Variants in EIF2AK3 observed in about 807,000 individuals in gnomAD.
EIF2AK3 encodes the protein eukaryotic translation initiation factor 2 alpha kinase 3, also known as eukaryotic translation initiation factor 2-alpha kinase 3.
Under a neutral mutation model 113.5 loss-of-function variants are expected in EIF2AK3, and 50 were observed. The ratio of observed to expected loss-of-function variants is 0.44; its 90% CI spans 0.35 to 0.56. EIF2AK3 has a LOEUF of 0.56. Among genes scored for constraint, EIF2AK3 ranks in the 20% least tolerant of loss-of-function variants. The pLI is 0.00. For synonymous variants in EIF2AK3, 448 were observed against 495.4 expected (o/e 0.90, Z 1.27); for missense variants, 1,185 against 1,378.0 (o/e 0.86, Z 2.22).
At chr2:88,613,972 G>GTAGAA in intron 1 of EIF2AK3, 119 bp from the exon 2 acceptor site, 4 of 894,702 alleles carry the variant, frequency 4.5e-6, no homozygotes, top group Non-Finnish European at 6.9e-6. Flanking sequence ...AAGGAAGAGG[G>GTAGAA]GGCCTTCTAC....
intron 1 of EIF2AK3, among the ~76,000 whole-genome samples, chr2:88,617,161 A>C (rs1021536564): frequency 3.3e-5 from 5 of 152,264 alleles, no homozygotes; most frequent in Non-Finnish European, 7.3e-5. Flanking sequence ...CCTCAGGCTG[A>C]ATGCAGGGAT....
intron 9 of EIF2AK3, among the ~76,000 whole-genome samples, chr2:88,583,843 A>T (rs1674653753): frequency 6.6e-6 from 1 of 152,170 alleles, no homozygotes; most frequent in Non-Finnish European, 1.5e-5. Context: ...CATAAACACA[A>T]ACTCCTGGGC....
At chr2:88,620,661 A>C (rs1474959693) in intron 1 of EIF2AK3, among the ~76,000 whole-genome samples, 1 of 152,002 alleles carries the variant, frequency 6.6e-6, no homozygotes, top group Non-Finnish European at 1.5e-5. Flanking sequence ...CACTGTACAA[A>C]CTCCCTGCTC....
intron 11 of EIF2AK3, among the ~76,000 whole-genome samples, chr2:88,579,018 A>G (rs937294718): frequency 6.6e-6 from 1 of 152,218 alleles, no homozygotes; most frequent in Non-Finnish European, 1.5e-5. Flanking sequence ...CATATTCTTA[A>G]TAACATGAAA....
At chr2:88,600,259 A>AT (rs1465076510) in intron 2 of EIF2AK3, among the ~76,000 whole-genome samples, 2 of 152,148 alleles carry the variant, frequency 1.3e-5, no homozygotes, top group Non-Finnish European at 2.9e-5. Context: ...CACAGAAGCA[A>AT]TATATGCATG....
At position 88,585,936 on chromosome 2, in the gene EIF2AK3, AAAG is replaced by A. The variant is rs1558652960; in HGVS notation, c.1552_1554del (p.Leu519del). 6.2e-7 allele frequency: 1 copy of A among 1,614,146 alleles called. No individual in the cohort carries two copies. Among genetic ancestry groups the A allele is most frequent in the Non-Finnish European group, 8.5e-7 (1 of 1,180,004 alleles). Reference sequence around the variant, plus strand: ...GCAACTATTTCTTTCCACCAGTGTAAAAGAAGAACAGGATCCTTTTTGCGGATA... The same window carrying A: ...GCAACTATTTCTTTCCACCAGTGTAAAAGAACAGGATCCTTTTTGCGGATA... On this transcript the variant is annotated inframe_deletion, in exon 9 of 17. Coordinates refer to ENST00000303236, the MANE Select transcript of EIF2AK3 (RefSeq NM_004836.7).
At chr2:88,566,630 T>G (rs1674137162) in intron 14 of EIF2AK3, among the ~76,000 whole-genome samples, 1 of 152,158 alleles carries the variant, frequency 6.6e-6, no homozygotes, top group Admixed American at 6.5e-5. Flanking sequence ...TCTATTGACC[T>G]GATAGTTATT....
chr2:88,563,775 ATATTT>A (rs1221743725), intron 14 of EIF2AK3, among the ~76,000 whole-genome samples: 1 of 152,218 alleles, frequency 6.6e-6, no homozygotes, highest in Non-Finnish European at 1.5e-5. Flanking sequence ...GGAAATACTT[ATATTT>A]TAATATTGTA....
chr2:88,581,964 A>G (rs922930800), intron 10 of EIF2AK3, among the ~76,000 whole-genome samples: 3 of 152,138 alleles, frequency 2.0e-5, no homozygotes, highest in Non-Finnish European at 2.9e-5. Context: ...TGTCTAATAT[A>G]TTATAGCATG....
At position 88,590,817 on chromosome 2, in the gene EIF2AK3, C is replaced by A. The variant is rs1192258846; in HGVS notation, c.1002+1G>T. On this transcript the variant is annotated splice_donor_variant, in intron 5 of 16. Transcript: ENST00000303236. LOFTEE classifies it high-confidence loss of function. ...TTTAAATCCTCAGTGGTGTTAGGTA[C>A]CTGGTACTCCCATTCCAGATGTCCT... The A allele has an allele frequency of 6.2e-7, 1 of 1,613,828 alleles. No individual in the cohort carries two copies. Among genetic ancestry groups the A allele is most frequent in the East Asian group, 2.2e-5 (1 of 44,858 alleles).
At chr2:88,565,042 T>C (rs1217698979) in intron 14 of EIF2AK3, among the ~76,000 whole-genome samples, 1 of 151,732 alleles carries the variant, frequency 6.6e-6, no homozygotes, top group African/African-American at 2.4e-5. Context: ...AAAGGTGTTT[T>C]TTTTTTTTTT....
At chr2:88,606,513 A>T (rs2104459260) in intron 2 of EIF2AK3, among the ~76,000 whole-genome samples, 1 of 152,360 alleles carries the variant, frequency 6.6e-6, no homozygotes, top group South Asian at 2.1e-4. Flanking sequence ...GGCTTGCTAC[A>T]TGATTGACAG....
intron 15 of EIF2AK3, among the ~76,000 whole-genome samples, chr2:88,560,547 T>C (rs1673922277): frequency 6.6e-6 from 1 of 152,216 alleles, no homozygotes; most frequent in Non-Finnish European, 1.5e-5. Context: ...CCCACGTAGC[T>C]GGGACTACAG....
At chr2:88,600,755 A>T (rs538281643) in intron 2 of EIF2AK3, among the ~76,000 whole-genome samples, 1 of 152,316 alleles carries the variant, frequency 6.6e-6, no homozygotes, top group East Asian at 1.9e-4. Context: ...GGAATTTCAT[A>T]TGAGAAAATA....
At chr2:88,590,638 TTCA>T (rs1674863493) in intron 5 of EIF2AK3, 33 bp from the exon 6 acceptor site, 3 of 1,607,302 alleles carry the variant, frequency 1.9e-6, no homozygotes, top group Non-Finnish European at 2.6e-6. Context: ...TCTTAAATAA[TTCA>T]AGCAGTAGTT....
chr2:88,628,064 AG>A (rs1675923288), upstream of EIF2AK3: 1 of 152,420 alleles, frequency 6.6e-6, no homozygotes, highest in Non-Finnish European at 1.5e-5. Flanking sequence ...TAGAAGGGTA[AG>A]GAGGATGCAG....
chr2:88,576,453 TC>T, intron 12 of EIF2AK3, 100 bp downstream of exon 12: 1 of 1,525,152 alleles, frequency 6.6e-7, no homozygotes, highest in Non-Finnish European at 8.9e-7. Context: ...ACTCTGCTGT[TC>T]CTTTTCTTTA....
At chr2:88,583,569 A>G in intron 9 of EIF2AK3, 27 bp from the exon 10 acceptor site, 2 of 1,536,770 alleles carry the variant, frequency 1.3e-6, no homozygotes, top group Non-Finnish European at 1.8e-6. Context: ...CAAAATCACT[A>G]CCAGTACAAA....
At chr2:88,582,685 G>A (rs1028809614) in intron 10 of EIF2AK3, among the ~76,000 whole-genome samples, 14 of 151,896 alleles carry the variant, frequency 9.2e-5, no homozygotes, top group African/African-American at 3.4e-4. Flanking sequence ...TGTCATTTCT[G>A]TTTCCTTGGA....
Sources: allele counts gnomAD v4.1 joint callset (sites outside exome capture counted in the v4.1 genomes callset), GRCh38; gene constraint gnomAD v4.1.1; transcripts MANE v1.5; gene names NCBI Gene and HGNC (gene_info 2026-07-23, HGNC 2026-07-21).